PARD3B: variants seen among roughly 807,000 people sequenced by gnomAD.
The protein encoded by PARD3B is par-3 family cell polarity regulator beta.
A neutral mutation model predicts 130.2 loss-of-function variants in PARD3B; 103 were observed. The observed-to-expected ratio is 0.79, with a 90% CI of 0.67 to 0.93. The LOEUF (loss-of-function observed/expected upper bound fraction) is 0.93. Ranked by LOEUF, PARD3B falls within the 40% of genes least tolerant of loss-of-function variation. The pLI is 0.00. For synonymous variants in PARD3B, 583 were observed against 553.2 expected (o/e 1.05, Z -0.76); for missense variants, 1,609 against 1,499.2 (o/e 1.07, Z -1.21).
intron 2 of PARD3B, among the ~76,000 whole-genome samples, chr2:204,779,939 G>C (rs1221417209): frequency 1.3e-5 from 2 of 152,148 alleles, no homozygotes; most frequent in Non-Finnish European, 2.9e-5. Context: ...GGAAAATGGT[G>C]CATTTTATAT....
intron 2 of PARD3B, among the ~76,000 whole-genome samples, chr2:204,862,912 T>C (rs570684731): frequency 1.3e-5 from 2 of 152,194 alleles, no homozygotes; most frequent in South Asian, 2.1e-4. Flanking sequence ...ACCTTACAGA[T>C]TGAATCCCAG....
chr2:204,873,594 A>G (rs537551321), intron 2 of PARD3B, among the ~76,000 whole-genome samples: 10 of 152,310 alleles, frequency 6.6e-5, no homozygotes, highest in Admixed American at 6.5e-4. Context: ...AATGCTTTTG[A>G]GGGTAGGCAA....
Position 205,125,542 on chromosome 2 carries a change from A to G in PARD3B, c.1306-67A>G. On this transcript the variant is annotated intron_variant, in intron 9 of 22. Transcript: ENST00000406610. This position sits in a 1 kb window ranked among gnomAD's most constrained non-coding sequence, Gnocchi z 4.0. Reference sequence around the variant, plus strand: ...GCCCATTTGCTTCTTGTTTTCAAAAACTATCTAGTGTAGAAGGAGATAACA... The same window carrying G: ...GCCCATTTGCTTCTTGTTTTCAAAAGCTATCTAGTGTAGAAGGAGATAACA... 3 of 1,531,360 alleles carry G rather than the reference A, an allele frequency of 2.0e-6. No individual in the cohort carries two copies. The highest frequency in any genetic ancestry group is 1.8e-6 in the Non-Finnish European group (2 of 1,132,754). 94.9% of individuals were successfully genotyped at this position (1,531,360 alleles called of 1,614,324 possible).
chr2:204,706,093 T>G (rs1447831252), intron 2 of PARD3B, among the ~76,000 whole-genome samples: 1 of 152,052 alleles, frequency 6.6e-6, no homozygotes. Flanking sequence ...AGGGTAAAAT[T>G]TATTTCATTT....
chr2:204,902,440 C>T (rs2046895472), intron 2 of PARD3B, among the ~76,000 whole-genome samples: 3 of 152,006 alleles, frequency 2.0e-5, no homozygotes, highest in Admixed American at 1.3e-4. Context: ...GAGGCCGAAG[C>T]GGGCGGATCA....
Position 204,840,000 on chromosome 2 carries a change from ATT to A in PARD3B, c.223-125150_223-125149del, listed in dbSNP as rs140369517. ...AGTGGTATTCCCTCCCTCTACGTAT[ATT>A]TCTCTTTCCTCAGCCCCAAAAGCAC... On this transcript the variant is annotated intron_variant, in intron 2 of 22. Coordinates refer to ENST00000406610, the MANE Select transcript of PARD3B (RefSeq NM_001302769.2). 7.1e-3 allele frequency among the ~76,000 whole-genome samples: 1,087 copies of A among 152,172 alleles called. 13 individuals carry two copies. The highest frequency in any genetic ancestry group is 0.025 in the African/African-American group (1,037 of 41,536).
At position 205,405,108 on chromosome 2, in the gene PARD3B, T is replaced by C. The variant is rs1343503587; in HGVS notation, c.2741+3985T>C. On this transcript the variant is annotated intron_variant, in intron 19 of 22. Transcript: ENST00000406610. This position sits in a 1 kb window ranked among gnomAD's most constrained non-coding sequence, Gnocchi z 4.1. ...TATGGATAGTTTATCTATAGCTACATGTACTGAAAAAGTCCAAAAAGCCAT... is the reference window on the plus strand; with the variant it reads ...TATGGATAGTTTATCTATAGCTACACGTACTGAAAAAGTCCAAAAAGCCAT... Among the ~76,000 whole-genome samples, 2 of 152,176 alleles carry C rather than the reference T, an allele frequency of 1.3e-5. No homozygotes were observed. The highest frequency in any genetic ancestry group is 1.9e-4 in the East Asian group (1 of 5,190).
chr2:205,559,658 G>T (rs1490255915), intron 22 of PARD3B, among the ~76,000 whole-genome samples: 2 of 144,840 alleles, frequency 1.4e-5, no homozygotes, highest in African/African-American at 5.1e-5. Flanking sequence ...GAGTGCAGTG[G>T]TGTGATCTCG....
intron 18 of PARD3B, among the ~76,000 whole-genome samples, chr2:205,332,523 T>A (rs2043174041): frequency 6.6e-6 from 1 of 152,074 alleles, no homozygotes; most frequent in Non-Finnish European, 1.5e-5. Flanking sequence ...TGAGGAGAAA[T>A]AAGGAGAAAC....
rs553265223 is a variant in PARD3B at position 204,610,180 on chromosome 2, G to C, written c.120+64061G>C. On this transcript the variant is annotated intron_variant, in intron 1 of 22. Coordinates refer to ENST00000406610, the MANE Select transcript of PARD3B (RefSeq NM_001302769.2). This position sits in a 1 kb window ranked among gnomAD's most constrained non-coding sequence, Gnocchi z 4.1. ...TCGTGGCTGGAAATTCAGTTTTTCA[G>C]GTTTCTCTGGAGTCCCCTTGGCCAT... 6.6e-6 allele frequency among the ~76,000 whole-genome samples: 1 copy of C among 152,224 alleles called. No homozygotes were observed. Among genetic ancestry groups the C allele is most frequent in the South Asian group, 2.1e-4 (1 of 4,824 alleles).
intron 19 of PARD3B, among the ~76,000 whole-genome samples, chr2:205,427,086 T>G (rs1310208058): frequency 6.6e-6 from 1 of 152,178 alleles, no homozygotes; most frequent in Non-Finnish European, 1.5e-5. Flanking sequence ...TCACCTATGG[T>G]TATCAAATTT....
chr2:204,724,546 A>G (rs2039134830), intron 2 of PARD3B, among the ~76,000 whole-genome samples: 1 of 152,284 alleles, frequency 6.6e-6, no homozygotes, highest in African/African-American at 2.4e-5. Flanking sequence ...GACCTCGGTC[A>G]TCAGTGGGTA....
At chr2:205,155,366 A>G (rs1176247786) in intron 10 of PARD3B, among the ~76,000 whole-genome samples, 1 of 152,202 alleles carries the variant, frequency 6.6e-6, no homozygotes, top group East Asian at 1.9e-4. Flanking sequence ...GCCTGCTCCA[A>G]AATATACATT....
chr2:204,720,444 G>A (rs1412735431), intron 2 of PARD3B, among the ~76,000 whole-genome samples: 1 of 152,166 alleles, frequency 6.6e-6, no homozygotes, highest in Non-Finnish European at 1.5e-5. Flanking sequence ...GAATCTAAGT[G>A]AAAACTGCAT....
At chr2:205,333,963 T>C (rs1365651978) in intron 18 of PARD3B, among the ~76,000 whole-genome samples, 2 of 152,204 alleles carry the variant, frequency 1.3e-5, no homozygotes, top group Non-Finnish European at 2.9e-5. Context: ...ATTGATAGCA[T>C]GGAGAGAACC....
intron 1 of PARD3B, among the ~76,000 whole-genome samples, chr2:204,547,149 T>G (rs1319028523): frequency 1.3e-5 from 2 of 152,214 alleles, no homozygotes; most frequent in Non-Finnish European, 2.9e-5. Context: ...AACGTAAGTT[T>G]TAATTTCTTT....
At chr2:204,749,826 G>A (rs988190958) in intron 2 of PARD3B, among the ~76,000 whole-genome samples, 4 of 152,146 alleles carry the variant, frequency 2.6e-5, no homozygotes, top group Admixed American at 6.5e-5. Flanking sequence ...CCAGCTGATC[G>A]CCTCATACGG....
intron 2 of PARD3B, among the ~76,000 whole-genome samples, chr2:204,804,067 CA>C (rs2042676288): frequency 6.6e-6 from 1 of 151,866 alleles, no homozygotes; most frequent in South Asian, 2.1e-4. Flanking sequence ...ACAACAACAA[CA>C]AAAAAATAAA....
At chr2:204,628,331 G>A (rs1329328131) in intron 1 of PARD3B, among the ~76,000 whole-genome samples, 1 of 151,636 alleles carries the variant, frequency 6.6e-6, no homozygotes, top group African/African-American at 2.4e-5. Flanking sequence ...CTATGGAACA[G>A]GTTCTGTAAG....
Sources: allele counts gnomAD v4.1 joint callset (sites outside exome capture counted in the v4.1 genomes callset), GRCh38; gene constraint gnomAD v4.1.1; non-coding constraint Gnocchi (gnomAD v3.1); transcripts MANE v1.5; gene names NCBI Gene and HGNC (gene_info 2026-07-23, HGNC 2026-07-21).